SCD: variants seen among roughly 807,000 people sequenced by gnomAD.
SCD encodes stearoyl-CoA desaturase.
SCD carries 4 observed loss-of-function variants against 35.7 expected under a neutral mutation model. That is an observed-to-expected ratio of 0.11 (90% confidence interval 0.06 to 0.26). SCD has a LOEUF of 0.26. Ranked by LOEUF, SCD falls within the 10% of genes least tolerant of loss-of-function variation. The pLI, the probability that SCD is intolerant of heterozygous loss-of-function variation, is 1.00. For missense variants in SCD, 282 were observed against 460.7 expected (o/e 0.61, Z 3.55); for synonymous variants, 150 against 170.2 (o/e 0.88, Z 0.92).
chr10:100,354,048 A>G (rs757749345), intron 3 of SCD, among the ~76,000 whole-genome samples: 11 of 152,224 alleles, frequency 7.2e-5, no homozygotes, highest in Non-Finnish European at 1.3e-4. Context: ...TGCCTGCCTC[A>G]TGTTCCCCAT....
intron 5 of SCD, among the ~76,000 whole-genome samples, chr10:100,358,644 C>T (rs1425565276): frequency 1.4e-5 from 2 of 144,480 alleles, no homozygotes; most frequent in Non-Finnish European, 3.0e-5. Context: ...CGTGGTGGCT[C>T]ACACCTGTAA....
At chr10:100,348,759 G>A (rs1233943853) in intron 2 of SCD, among the ~76,000 whole-genome samples, 1 of 152,188 alleles carries the variant, frequency 6.6e-6, no homozygotes, top group Non-Finnish European at 1.5e-5. Flanking sequence ...AGCAATCATA[G>A]GCTAGCACAA....
At chr10:100,349,766 A>G (rs1849852132) in intron 2 of SCD, among the ~76,000 whole-genome samples, 1 of 152,088 alleles carries the variant, frequency 6.6e-6, no homozygotes, top group Admixed American at 6.6e-5. Context: ...GAGCTCTTGT[A>G]TTTGTGAGGG....
chr10:100,350,887 G>A (rs200393097), intron 2 of SCD, among the ~76,000 whole-genome samples: 2 of 152,298 alleles, frequency 1.3e-5, no homozygotes, highest in East Asian at 3.9e-4. Flanking sequence ...TCCCCACTCT[G>A]AGGGAATGTG....
At position 100,352,417 on chromosome 10, in the gene SCD, G is replaced by A. The variant is rs900799696; in HGVS notation, c.362G>A (p.Arg121His). 4.3e-6 allele frequency: 7 copies of A among 1,613,990 alleles called. No individual in the cohort carries two copies. The highest frequency in any genetic ancestry group is 1.7e-5 in the Admixed American group (1 of 60,016). The change falls in exon 3 of 6, where the codon CGT (arginine) becomes CAT (histidine). Residue 121 changes from arginine to histidine, a missense_variant. Transcript: ENST00000370355. The surrounding 1 kb of genome is among the most constrained non-coding windows in gnomAD (Gnocchi z 4.2). ...CTGGGCATAACAGCAGGAGCTCATC[G>A]TCTGTGGAGCCACCGCTCTTACAAA... Reference protein sequence around the residue: ...SALGITAGAHRLWSHRSYKAR... With the variant: ...SALGITAGAHHLWSHRSYKAR...
Position 100,352,609 on chromosome 10 carries a change from C to A in SCD, c.441+113C>A, listed in dbSNP as rs1253303777. The A allele has an allele frequency of 1.9e-6, 2 of 1,025,862 alleles. No homozygotes were observed. The highest frequency in any genetic ancestry group is 2.9e-6 in the Non-Finnish European group (2 of 678,396). 63.5% of individuals were successfully genotyped at this position (1,025,862 alleles called of 1,614,324 possible). A position where few individuals can be genotyped will look rare whatever the true frequency, so the allele number is the denominator to read the frequency against. On this transcript the variant is annotated intron_variant, in intron 3 of 5. Coordinates refer to ENST00000370355, the MANE Select transcript of SCD (RefSeq NM_005063.5). This position sits in a 1 kb window ranked among gnomAD's most constrained non-coding sequence, Gnocchi z 4.2. ...CACACCTGACAGCCATTTCACTTTC[C>A]TCTCTCCTGTAGTCACCTCAAGTTC... is the stretch of plus-strand genomic sequence containing the variant.
Position 100,348,217 on chromosome 10 carries a change from G to C in SCD, c.181G>C (p.Asp61His). 1 of 1,614,054 alleles carries C rather than the reference G, an allele frequency of 6.2e-7. No individual in the cohort carries two copies. Among genetic ancestry groups the C allele is most frequent in the East Asian group, 2.2e-5 (1 of 44,882 alleles). The change falls in exon 2 of 6, where the codon GAT becomes CAT. Residue 61 changes from aspartate to histidine, a missense_variant. Asp to His is a moderately conservative substitution (Grantham distance 81). Transcript: ENST00000370355. ...KDDIYDPTYK[D>H]KEGPSPKVEY... Reference sequence around the variant, plus strand: ...TGATATATATGACCCCACCTACAAGGATAAGGAAGGCCCAAGCCCCAAGGT... The same window carrying C: ...TGATATATATGACCCCACCTACAAGCATAAGGAAGGCCCAAGCCCCAAGGT...
Position 100,356,740 on chromosome 10 carries a change from A to C in SCD, c.856A>C (p.Ile286Leu). The C allele has an allele frequency of 6.2e-7, 1 of 1,614,224 alleles. No individual in the cohort carries two copies. Among genetic ancestry groups the C allele is most frequent in the Non-Finnish European group, 8.5e-7 (1 of 1,180,028 alleles). ...CAAGAACATTAGCCCCCGGGAGAATATCCTGGTTTCACTTGGAGCTGTGGG... is the reference window on the plus strand; with the variant it reads ...CAAGAACATTAGCCCCCGGGAGAATCTCCTGGTTTCACTTGGAGCTGTGGG... Reference protein sequence around the residue: ...YDKNISPRENILVSLGAVGEG... With the variant: ...YDKNISPRENLLVSLGAVGEG... Residue 286 changes from isoleucine (I) to leucine (L), a missense_variant, in exon 5 of 6, where the codon ATC (isoleucine) becomes CTC (leucine). Physicochemically the swap from Ile to Leu is conservative, Grantham distance 5 (BLOSUM62 2). This residue lies in a region of SCD where 205 missense variants were observed against 372.3 expected (regional missense o/e 0.55). Coordinates refer to ENST00000370355, the MANE Select transcript of SCD (RefSeq NM_005063.5). The surrounding 1 kb of genome is among the most constrained non-coding windows in gnomAD (Gnocchi z 4.1).
chr10:100,356,820 G>T lies in SCD; in HGVS notation c.880+56G>T. Reference sequence around the variant, plus strand: ...CAGTGGTCTGCTGATTAGGGGATTAGGCTAGGAGCCAGAAAAACTAGATAA... The same window carrying T: ...CAGTGGTCTGCTGATTAGGGGATTATGCTAGGAGCCAGAAAAACTAGATAA... On this transcript the variant is annotated intron_variant, in intron 5 of 5. Transcript: ENST00000370355. The surrounding 1 kb of genome is among the most constrained non-coding windows in gnomAD (Gnocchi z 4.1). The T allele has an allele frequency of 7.2e-7, 1 of 1,396,940 alleles. No homozygotes were observed. Among genetic ancestry groups the T allele is most frequent in the South Asian group, 1.2e-5 (1 of 84,282 alleles). 86.5% of individuals were successfully genotyped at this position (1,396,940 alleles called of 1,614,324 possible).
chr10:100,354,887 A>T (rs1849912166), intron 4 of SCD, among the ~76,000 whole-genome samples: 1 of 152,224 alleles, frequency 6.6e-6, no homozygotes, highest in African/African-American at 2.4e-5. Context: ...TAGGACAGTC[A>T]TAGATTCAAA....
At chr10:100,353,047 C>G (rs1411049561) in intron 3 of SCD, among the ~76,000 whole-genome samples, 1 of 152,076 alleles carries the variant, frequency 6.6e-6, no homozygotes, top group Non-Finnish European at 1.5e-5. Flanking sequence ...AGTTGATGTT[C>G]CCAGACTCGT....
chr10:100,356,612 A>C lies in SCD; in HGVS notation c.728A>C (p.Gln243Pro). Reference protein sequence around the residue: ...VPWYFWGETFQNSVFVATFLR... With the variant: ...VPWYFWGETFPNSVFVATFLR... ...TGGTATTTCTGGGGTGAAACTTTTC[A>C]AAACAGTGTGTTCGTTGCCACTTTC... Residue 243 changes from glutamine to proline, a missense_variant, in exon 5 of 6, where the codon CAA becomes CCA. By Grantham distance (76) the Gln-to-Pro change is moderately conservative. Transcript: ENST00000370355. This position sits in a 1 kb window ranked among gnomAD's most constrained non-coding sequence, Gnocchi z 4.1. 1 of 1,614,224 alleles carries C rather than the reference A, an allele frequency of 6.2e-7. No individual in the cohort carries two copies. The highest frequency in any genetic ancestry group is 8.5e-7 in the Non-Finnish European group (1 of 1,180,046).
Position 100,362,102 on chromosome 10 carries a change from G to A in SCD, c.*1169G>A, listed in dbSNP as rs984093587. 4.6e-5 allele frequency: 7 copies of A among 152,194 alleles called. No homozygotes were observed. Among genetic ancestry groups the A allele is most frequent in the African/African-American group, 1.4e-4 (6 of 41,452 alleles). 9.4% of individuals were successfully genotyped at this position (152,194 alleles called of 1,614,324 possible). A position where few individuals can be genotyped will look rare whatever the true frequency, so the allele number is the denominator to read the frequency against. On this transcript the variant is annotated 3_prime_UTR_variant, in exon 6 of 6. Transcript: ENST00000370355. Reference sequence around the variant, plus strand: ...TGTTTGGAAAAAACTCTGAAGGAGAGGAGGAATTAGTTGGGATGCCAATTT... The same window carrying A: ...TGTTTGGAAAAAACTCTGAAGGAGAAGAGGAATTAGTTGGGATGCCAATTT...
In SCD at chr10:100,362,856, G is replaced by C. The variant is rs1850003364; in HGVS notation, c.*1923G>C. 6.6e-6 allele frequency: 1 copy of C among 152,244 alleles called. No homozygotes were observed. The highest frequency in any genetic ancestry group is 1.5e-5 in the Non-Finnish European group (1 of 68,074). 9.4% of individuals were successfully genotyped at this position (152,244 alleles called of 1,614,324 possible). On this transcript the variant is annotated 3_prime_UTR_variant, in exon 6 of 6. Transcript: ENST00000370355. ...CAAGCCAAGCGCTCATGTTGAGCCA[G>C]TGGGCCAGCCACAGAGCAAAAGAGG...
At chr10:100,347,956 G>C in intron 1 of SCD, 108 bp from the exon 2 acceptor site, 1 of 1,120,988 alleles carries the variant, frequency 8.9e-7, no homozygotes, top group African/African-American at 1.6e-5. Flanking sequence ...CGGCGCTGCG[G>C]AAGGGTCCGT....
At chr10:100,358,635 G>T (rs1023935986) in intron 5 of SCD, among the ~76,000 whole-genome samples, 1 of 148,394 alleles carries the variant, frequency 6.7e-6, no homozygotes. Flanking sequence ...TTGTCTAGGC[G>T]TGGTGGCTCA....
rs759005819 is a variant in SCD, at chr10:100,352,773, C to T, written c.441+277C>T. Among the ~76,000 whole-genome samples, 2 of 152,150 alleles carry T rather than the reference C, an allele frequency of 1.3e-5. No individual in the cohort carries two copies. The highest frequency in any genetic ancestry group is 2.4e-5 in the African/African-American group (1 of 41,414). On this transcript the variant is annotated intron_variant, in intron 3 of 5. Coordinates refer to ENST00000370355, the MANE Select transcript of SCD (RefSeq NM_005063.5). This position sits in a 1 kb window ranked among gnomAD's most constrained non-coding sequence, Gnocchi z 4.2. ...TCCCTGTGTTGTCACACAATCTGGC[C>T]GTTGTGGCTCTTCATCATAAGGGGC...
rs1448252083 is a variant in SCD at position 100,363,625 on chromosome 10, T to C, written c.*2692T>C. On this transcript the variant is annotated 3_prime_UTR_variant, in exon 6 of 6. Transcript: ENST00000370355. ...CTTTCACTTCTTCCTATTGTAATCG[T>C]GTGCCATGGATCTGATCTGTACCAT... 1.3e-5 allele frequency: 2 copies of C among 152,298 alleles called. No individual in the cohort carries two copies. Among genetic ancestry groups the C allele is most frequent in the African/African-American group, 4.8e-5 (2 of 41,446 alleles). The allele number at this position is 152,298 out of a possible 1,614,324, so 9.4% of individuals were successfully genotyped here.
At chr10:100,350,916 G>T (rs992771825) in intron 2 of SCD, among the ~76,000 whole-genome samples, 2 of 152,194 alleles carry the variant, frequency 1.3e-5, no homozygotes, top group South Asian at 2.1e-4. Flanking sequence ...TCTTGTTGGG[G>T]CTGACTGGCT....
Sources: allele counts gnomAD v4.1 joint callset (sites outside exome capture counted in the v4.1 genomes callset), GRCh38; gene constraint gnomAD v4.1.1; regional missense constraint gnomAD v4.1.1; non-coding constraint Gnocchi (gnomAD v3.1); transcripts MANE v1.5; gene names NCBI Gene and HGNC (gene_info 2026-07-23, HGNC 2026-07-21).